The following GLIS3 variants were observed in gnomAD, a reference collection of about 807,000 sequenced individuals.
GLIS3 encodes GLIS family zinc finger 3.
A neutral mutation model predicts 78.6 loss-of-function variants in GLIS3; 53 were observed. The observed-to-expected ratio is 0.67, with a 90% CI of 0.54 to 0.85. The LOEUF is 0.85. GLIS3 is among the 40% of genes least tolerant of loss of function. The pLI is 0.00. For missense variants in GLIS3, 1,703 were observed against 1,231.1 expected (o/e 1.38, Z -5.74); for synonymous variants, 684 against 509.9 (o/e 1.34, Z -4.60).
chr9:3,859,762 T>A (rs1335094391), intron 8 of GLIS3, among the ~76,000 whole-genome samples: 2 of 152,108 alleles, frequency 1.3e-5, no homozygotes, highest in African/African-American at 4.8e-5. Flanking sequence ...CTTTTATACT[T>A]CTTTGAAACA....
At chr9:4,263,237 ACT>A (rs1825690015) in intron 2 of GLIS3, among the ~76,000 whole-genome samples, 1 of 152,160 alleles carries the variant, frequency 6.6e-6, no homozygotes, top group Non-Finnish European at 1.5e-5. Flanking sequence ...TATTCTGCAG[ACT>A]CTGGGACAGA....
chr9:4,192,543 C>T (rs183546312), intron 2 of GLIS3, among the ~76,000 whole-genome samples: 1 of 152,280 alleles, frequency 6.6e-6, no homozygotes, highest in Non-Finnish European at 1.5e-5. Context: ...GTGAACTCAC[C>T]AACAGCTTGG....
At chr9:3,862,840 C>T (rs188344649) in intron 8 of GLIS3, among the ~76,000 whole-genome samples, 29 of 152,178 alleles carry the variant, frequency 1.9e-4, no homozygotes, top group African/African-American at 5.8e-4. Flanking sequence ...TGTATTCACA[C>T]GAAAAATATT....
At chr9:4,042,992 C>G (rs760276106) in intron 4 of GLIS3, among the ~76,000 whole-genome samples, 1 of 151,092 alleles carries the variant, frequency 6.6e-6, no homozygotes, top group Admixed American at 6.6e-5. Flanking sequence ...GCGCAAACCC[C>G]AAGAGTGGCA....
Position 4,090,582 on chromosome 9 carries a change from C to G in GLIS3, c.1710+27186G>C, listed in dbSNP as rs148915878. The stretch of plus-strand genomic sequence containing the variant: ...CAGTTGGACCACCTGGTCCAAGACA[C>G]AGAATCCCAACTGGAAACGCTCAGG... On this transcript the variant is annotated intron_variant, in intron 4 of 10. Transcript: ENST00000381971. Among the ~76,000 whole-genome samples the G allele has an allele frequency of 1.8e-4, 27 of 152,266 alleles. No individual in the cohort carries two copies. The East Asian group carries it at 2.1e-3, about 12-fold the overall frequency.
At chr9:4,186,879 T>C (rs1008447629) in intron 2 of GLIS3, among the ~76,000 whole-genome samples, 1 of 152,214 alleles carries the variant, frequency 6.6e-6, no homozygotes, top group Non-Finnish European at 1.5e-5. Flanking sequence ...GAGTTCATTG[T>C]AGATTCTGGA....
At chr9:3,886,606 C>G (rs1822091415) in intron 7 of GLIS3, among the ~76,000 whole-genome samples, 1 of 152,300 alleles carries the variant, frequency 6.6e-6, no homozygotes, top group Admixed American at 6.5e-5. Flanking sequence ...AAGACTTTCC[C>G]TTCAGGCATT....
At chr9:3,916,749 G>C (rs932326148) in intron 6 of GLIS3, among the ~76,000 whole-genome samples, 3 of 152,030 alleles carry the variant, frequency 2.0e-5, no homozygotes, top group Admixed American at 6.5e-5. Context: ...CTGGTCCTTA[G>C]CCCTGAATGC....
chr9:3,871,057 G>C (rs969919742), intron 8 of GLIS3, among the ~76,000 whole-genome samples: 2 of 152,242 alleles, frequency 1.3e-5, no homozygotes, highest in African/African-American at 4.8e-5. Flanking sequence ...GGCCAAAACA[G>C]AGGGGCTACA....
intron 2 of GLIS3, among the ~76,000 whole-genome samples, chr9:4,278,682 A>G (rs540073530): frequency 2.6e-5 from 4 of 152,348 alleles, no homozygotes; most frequent in African/African-American, 9.6e-5. Context: ...CCATGTAAAA[A>G]CTGATTCTGA....
the GLIS3 span, among the ~76,000 whole-genome samples, chr9:4,484,242 T>TTA: frequency 2.0e-5 from 3 of 147,192 alleles, no homozygotes; most frequent in Non-Finnish European, 3.0e-5. Context: ...TTTTTTTATT[T>TTA]TTTTTATTTT....
intron 4 of GLIS3, among the ~76,000 whole-genome samples, chr9:4,030,572 G>C (rs1345288630): frequency 6.6e-6 from 1 of 152,148 alleles, no homozygotes; most frequent in Admixed American, 6.5e-5. Context: ...CACAGTTTAA[G>C]GTCCTAGATT....
chr9:4,456,760 G>A, the GLIS3 span, among the ~76,000 whole-genome samples: 4 of 152,176 alleles, frequency 2.6e-5, no homozygotes, highest in African/African-American at 4.8e-5. Context: ...TCAGGGAATT[G>A]GGAAGCCTGA....
At chr9:4,115,300 G>C (rs1831550924) in intron 4 of GLIS3, among the ~76,000 whole-genome samples, 1 of 152,088 alleles carries the variant, frequency 6.6e-6, no homozygotes, top group Admixed American at 6.6e-5. Flanking sequence ...TCCTAGCCCT[G>C]CAGTGTATGA....
chr9:4,322,292 G>C (rs995382039), intron 2 of GLIS3, among the ~76,000 whole-genome samples: 45 of 152,128 alleles, frequency 3.0e-4, no homozygotes, highest in Admixed American at 2.7e-3. Flanking sequence ...TGGACATTTG[G>C]GTTGGTTCGA....
chr9:3,989,276 T>C (rs1422372026), intron 4 of GLIS3, among the ~76,000 whole-genome samples: 1 of 152,266 alleles, frequency 6.6e-6, no homozygotes, highest in South Asian at 2.1e-4. Context: ...GTGAAGAAAC[T>C]GGATCACTCA....
At chr9:3,965,572 T>G (rs1205211919) in intron 4 of GLIS3, among the ~76,000 whole-genome samples, 3 of 152,178 alleles carry the variant, frequency 2.0e-5, no homozygotes, top group African/African-American at 7.2e-5. Flanking sequence ...ATCAACAGTC[T>G]AAAGAAAAGT....
chr9:4,328,897 C>G (rs771548662), intron 2 of GLIS3, among the ~76,000 whole-genome samples: 9 of 152,142 alleles, frequency 5.9e-5, no homozygotes, highest in Non-Finnish European at 2.9e-5. Flanking sequence ...TGACTCAGCT[C>G]CCAGGCCTAA....
chr9:4,256,157 C>T (rs1373566314), intron 2 of GLIS3, among the ~76,000 whole-genome samples: 2 of 151,824 alleles, frequency 1.3e-5, no homozygotes, highest in Admixed American at 1.3e-4. Context: ...ATGAGCGACC[C>T]CAGGTAAAGC....
Sources: allele counts gnomAD v4.1 joint callset (sites outside exome capture counted in the v4.1 genomes callset), GRCh38; gene constraint gnomAD v4.1.1; transcripts MANE v1.5; gene names NCBI Gene and HGNC (gene_info 2026-07-23, HGNC 2026-07-21).